SHTN1: variants seen among roughly 807,000 people sequenced by gnomAD.
SHTN1 encodes shootin 1, also known as shootin-1.
A neutral mutation model predicts 83.1 loss-of-function variants in SHTN1; 42 were observed. The ratio of observed to expected loss-of-function variants is 0.51; its 90% confidence interval spans 0.39 to 0.65. The LOEUF (loss-of-function observed/expected upper bound fraction) is 0.65. Among genes scored for constraint, SHTN1 ranks in the 30% least tolerant of loss-of-function variants. SHTN1 has a pLI of 0.00. For missense variants in SHTN1, 622 were observed against 737.8 expected, an observed-to-expected ratio of 0.84 and a Z score of 1.82; for synonymous variants, 224 against 247.7, an observed-to-expected ratio of 0.90 and a Z score of 0.90.
intron 1 of SHTN1, among the ~76,000 whole-genome samples, chr10:116,993,790 T>C: frequency 6.6e-6 from 1 of 152,158 alleles, no homozygotes; most frequent in Admixed American, 6.5e-5. Flanking sequence ...CTTACAAAGG[T>C]TTCGCAATCT....
chr10:117,060,053 AT>A (rs1184617455), intron 1 of SHTN1, among the ~76,000 whole-genome samples: 1 of 151,792 alleles, frequency 6.6e-6, no homozygotes, highest in Non-Finnish European at 1.5e-5. Flanking sequence ...CCTAAAAAAA[AT>A]TTTTTTTAAT....
intron 11 of SHTN1, among the ~76,000 whole-genome samples, chr10:116,925,526 C>A (rs1210111162): frequency 6.6e-6 from 1 of 152,190 alleles, no homozygotes; most frequent in Non-Finnish European, 1.5e-5. Context: ...CCAACTCACC[C>A]TACAGATCTT....
intron 2 of SHTN1, among the ~76,000 whole-genome samples, chr10:116,975,001 T>C (rs1271376872): frequency 1.3e-5 from 2 of 152,214 alleles, no homozygotes; most frequent in South Asian, 4.1e-4. Context: ...TATTTTTCTA[T>C]ACCCCAAAAA....
intron 1 of SHTN1, among the ~76,000 whole-genome samples, chr10:117,002,239 A>AT (rs2133541112): frequency 1.3e-5 from 2 of 152,344 alleles, no homozygotes; most frequent in East Asian, 3.9e-4. Context: ...GTAATTGTAC[A>AT]TTTATTCATA....
chr10:117,002,735 C>T (rs1465989784), intron 1 of SHTN1, among the ~76,000 whole-genome samples: 1 of 152,166 alleles, frequency 6.6e-6, no homozygotes, highest in East Asian at 1.9e-4. Flanking sequence ...AAGCAAACTA[C>T]CTGGTTTTGA....
At chr10:117,041,495 T>C (rs1300901944) in intron 2 of SHTN1, among the ~76,000 whole-genome samples, 1 of 152,156 alleles carries the variant, frequency 6.6e-6, no homozygotes, top group Non-Finnish European at 1.5e-5. Flanking sequence ...GCAACATGTG[T>C]TTTCTTTTCT....
chr10:117,020,969 A>T lies in SHTN1; in HGVS notation c.-123+27476T>A, dbSNP rs534107445. Among the ~76,000 whole-genome samples the T allele has an allele frequency of 5.9e-5, 9 of 151,638 alleles. No individual in the cohort carries two copies. The South Asian group carries it at 1.1e-3, about 18-fold the overall frequency. On this transcript the variant is annotated intron_variant, in intron 2 of 17. Transcript: ENST00000392901. ...TCAATAATAATACAACTCAGTAATT[A>T]AAAAAAAACCCAATAAAAATGAGCA...
chr10:116,883,851 G>A lies in SHTN1; in HGVS notation c.*2493C>T. 5.4e-6 allele frequency: 1 copy of A among 184,280 alleles called. No individual in the cohort carries two copies. Among genetic ancestry groups the A allele is most frequent in the Non-Finnish European group, 1.2e-5 (1 of 86,464 alleles). The allele number at this position is 184,280 out of a possible 1,614,324, so 11.4% of individuals were successfully genotyped here. ...CAGCTGCTGAAACTGCTGTGGGTGA[G>A]GACTTTGTTTGAGACCAGCTCACAT... On this transcript the variant is annotated 3_prime_UTR_variant, in exon 17 of 17. Transcript: ENST00000355371.
chr10:116,976,057 C>G (rs1254944969), intron 2 of SHTN1, among the ~76,000 whole-genome samples: 5 of 152,168 alleles, frequency 3.3e-5, no homozygotes, highest in Admixed American at 2.6e-4. Context: ...AAAAGAACAT[C>G]GTGCTCAGAA....
At chr10:116,998,039 C>G (rs897164789) in intron 1 of SHTN1, among the ~76,000 whole-genome samples, 38 of 152,190 alleles carry the variant, frequency 2.5e-4, no homozygotes, top group Admixed American at 2.2e-3. Flanking sequence ...TTGCAGTGAG[C>G]AGAGCTCATG....
At chr10:116,943,525 T>C (rs1849461321) in intron 8 of SHTN1, among the ~76,000 whole-genome samples, 1 of 152,234 alleles carries the variant, frequency 6.6e-6, no homozygotes, top group Admixed American at 6.5e-5. Flanking sequence ...TCCAGAGAGC[T>C]CTGACACACT....
At chr10:116,896,161 C>T (rs1038579423) in intron 16 of SHTN1, among the ~76,000 whole-genome samples, 4 of 152,022 alleles carry the variant, frequency 2.6e-5, no homozygotes, top group Admixed American at 2.0e-4. Context: ...TTGGCATTTC[C>T]CCCGAAAATG....
At chr10:116,973,332 G>C (rs368904703) in intron 2 of SHTN1, among the ~76,000 whole-genome samples, 12 of 152,160 alleles carry the variant, frequency 7.9e-5, no homozygotes, top group South Asian at 6.2e-4. Context: ...CTAGCCTATA[G>C]ATAGGGCAGT....
At position 116,979,266 on chromosome 10, in the gene SHTN1, G is replaced by C. The variant is rs774259616; in HGVS notation, c.101C>G (p.Thr34Arg). Reference protein sequence around the residue: ...YEDLRAENQKTKEKCDKIRQE... With the variant: ...YEDLRAENQKRKEKCDKIRQE... ...AGGTAAAGTACAAACCTTCTCCTTTGTTTTCTGGTTCTCTGCTCTAAGGTC... is the reference window on the plus strand; with the variant it reads ...AGGTAAAGTACAAACCTTCTCCTTTCTTTTCTGGTTCTCTGCTCTAAGGTC... Residue 34 changes from threonine (T) to arginine (R), a missense_variant, in exon 2 of 17, where the codon ACA (threonine) becomes AGA (arginine). Physicochemically the swap from Thr to Arg is moderately conservative, Grantham distance 71. Coordinates refer to ENST00000355371, the MANE Select transcript of SHTN1 (RefSeq NM_001127211.3). 2.5e-6 allele frequency: 4 copies of C among 1,613,522 alleles called. No individual in the cohort carries two copies. In the African/African-American group the frequency reaches 4.0e-5, roughly 16 times the overall value.
At chr10:117,093,408 C>T (rs896800538) in intron 1 of SHTN1, among the ~76,000 whole-genome samples, 5 of 152,050 alleles carry the variant, frequency 3.3e-5, no homozygotes, top group Admixed American at 3.3e-4. Context: ...AGCCACGTAT[C>T]ATGGTGCATG....
In SHTN1 at chr10:117,005,047, C is replaced by T. The variant is rs987189414; in HGVS notation, c.33G>A (p.Gln11=). 5 of 1,599,104 alleles carry T rather than the reference C, an allele frequency of 3.1e-6. No homozygotes were observed. The highest frequency in any genetic ancestry group is 4.3e-6 in the Non-Finnish European group (5 of 1,173,372). Residue 11 remains glutamine, a synonymous_variant, in exon 1 of 17, where the codon CAG becomes CAA. Transcript: ENST00000355371. Reference sequence around the variant, plus strand: ...CTTGCTCCTTCAGACTGGTAATGAGCTGCAGCTGCTTCTCTTCGTCCGAGC... The same window carrying T: ...CTTGCTCCTTCAGACTGGTAATGAGTTGCAGCTGCTTCTCTTCGTCCGAGC... MNSSDEEKQL[Q]LITSLKEQAI...
intron 1 of SHTN1, among the ~76,000 whole-genome samples, chr10:117,049,636 G>T (rs1852713832): frequency 6.6e-6 from 1 of 152,172 alleles, no homozygotes; most frequent in Non-Finnish European, 1.5e-5. Flanking sequence ...ACAAACAAAG[G>T]AATGAACAGA....
intron 12 of SHTN1, among the ~76,000 whole-genome samples, chr10:116,919,714 A>C (rs916467470): frequency 2.0e-5 from 3 of 152,222 alleles, no homozygotes; most frequent in African/African-American, 4.8e-5. Flanking sequence ...CCAGTAACCA[A>C]AGAGCAGGGC....
intron 1 of SHTN1, among the ~76,000 whole-genome samples, chr10:116,983,633 C>CAGATAGAT (rs145452456): frequency 2.7e-4 from 39 of 142,634 alleles, no homozygotes; most frequent in African/African-American, 1.0e-3. Flanking sequence ...CCTGGGCATC[C>CAGATAGAT]AGATAGATAG....
Sources: allele counts gnomAD v4.1 joint callset (sites outside exome capture counted in the v4.1 genomes callset), GRCh38; gene constraint gnomAD v4.1.1; transcripts MANE v1.5; gene names NCBI Gene and HGNC (gene_info 2026-07-23, HGNC 2026-07-21).